RNF111: variants seen among roughly 807,000 people sequenced by gnomAD.
The protein encoded by RNF111 is E3 ubiquitin-protein ligase Arkadia.
RNF111 carries 17 observed loss-of-function variants against 95.1 expected under a neutral mutation model. The ratio of observed to expected loss-of-function variants is 0.18; its 90% CI spans 0.12 to 0.27. The LOEUF (loss-of-function observed/expected upper bound fraction) is 0.27. Ranked by LOEUF, RNF111 falls within the 10% of genes least tolerant of loss-of-function variation. RNF111 has a pLI of 1.00. For missense variants in RNF111, 1,189 were observed against 1,210.4 expected, an observed-to-expected ratio of 0.98 and a Z score of 0.26; for synonymous variants, 440 against 414.8, an observed-to-expected ratio of 1.06 and a Z score of -0.74.
At position 59,069,421 on chromosome 15, in the gene RNF111, T is replaced by G. The variant is rs1416726823; in HGVS notation, c.1686+2338T>G. Among the ~76,000 whole-genome samples, 5 of 152,194 alleles carry G rather than the reference T, an allele frequency of 3.3e-5. No individual in the cohort carries two copies. The East Asian group carries it at 7.7e-4, about 23-fold the overall frequency. Reference sequence around the variant, plus strand: ...ACATTCATTAAAGAGCTGCCAAAAGTCTCATTTACAGAATATTTTGTTATT... The same window carrying G: ...ACATTCATTAAAGAGCTGCCAAAAGGCTCATTTACAGAATATTTTGTTATT... On this transcript the variant is annotated intron_variant, in intron 6 of 13. Transcript: ENST00000348370.
At chr15:59,056,534 T>G (rs2042207111) in intron 4 of RNF111, among the ~76,000 whole-genome samples, 1 of 152,176 alleles carries the variant, frequency 6.6e-6, no homozygotes, top group Non-Finnish European at 1.5e-5. Context: ...ATGAGTTTGT[T>G]AGGTTTGGGA....
intron 1 of RNF111, 71 bp downstream of exon 1, chr15:58,988,139 G>A (rs1056541330): frequency 2.6e-5 from 4 of 152,522 alleles, no homozygotes; most frequent in African/African-American, 9.7e-5. Context: ...GGGCCGGCCT[G>A]GAGGGGAGAA....
At chr15:59,076,922 T>G (rs1430298152) in intron 7 of RNF111, among the ~76,000 whole-genome samples, 1 of 152,238 alleles carries the variant, frequency 6.6e-6, no homozygotes, top group Non-Finnish European at 1.5e-5. Flanking sequence ...TTGTTTTGAT[T>G]ACATGGCAAG....
intron 1 of RNF111, among the ~76,000 whole-genome samples, chr15:59,008,854 A>C (rs1024588125): frequency 2.0e-5 from 3 of 152,186 alleles, no homozygotes; most frequent in Non-Finnish European, 2.9e-5. Flanking sequence ...GTCTTTCTTC[A>C]AGGAATAATA....
chr15:59,084,321 C>T (rs2078834557), intron 9 of RNF111, 67 bp downstream of exon 9: 3 of 1,385,460 alleles, frequency 2.2e-6, no homozygotes, highest in Admixed American at 4.9e-5. Flanking sequence ...GAAGAGATGC[C>T]TTGTGATTGA....
chr15:59,073,928 G>T (rs760614378), intron 6 of RNF111, among the ~76,000 whole-genome samples: 4 of 152,212 alleles, frequency 2.6e-5, no homozygotes, highest in Non-Finnish European at 4.4e-5. Flanking sequence ...TGTTAGGTAT[G>T]AAAACATTAA....
chr15:59,028,789 T>TG (rs2040752853), intron 1 of RNF111, among the ~76,000 whole-genome samples: 1 of 151,502 alleles, frequency 6.6e-6, no homozygotes, highest in Non-Finnish European at 1.5e-5. Flanking sequence ...TAATTTTTTT[T>TG]TTTTTCTTGA....
intron 3 of RNF111, among the ~76,000 whole-genome samples, chr15:59,055,304 A>C (rs1214065684): frequency 6.6e-6 from 1 of 152,242 alleles, no homozygotes; most frequent in African/African-American, 2.4e-5. Context: ...TAAACATACA[A>C]GACCTTGTGG....
intron 2 of RNF111, among the ~76,000 whole-genome samples, chr15:59,043,134 CATTT>C (rs2041545589): frequency 6.6e-6 from 1 of 151,344 alleles, no homozygotes; most frequent in Admixed American, 6.6e-5. Context: ...AAAATTCATT[CATTT>C]AAAGTGTACA....
chr15:59,031,041 G>C lies in RNF111; in HGVS notation c.219G>C (p.Lys73Asn). The change falls in exon 2 of 14, where the codon AAG (lysine) becomes AAC (asparagine). Residue 73 changes from lysine (K) to asparagine (N), a missense_variant. Transcript: ENST00000348370. ...CTCACCTGTGTGATGATTCTCAAAA[G>C]CAAGAGAAGGAAATGAATGGTAACC... is the stretch of plus-strand genomic sequence containing the variant. ...EFSHLCDDSQ[K>N]QEKEMNGNQQ... 1 of 1,614,242 alleles carries C rather than the reference G, an allele frequency of 6.2e-7. No individual in the cohort carries two copies. Among genetic ancestry groups the C allele is most frequent in the Non-Finnish European group, 8.5e-7 (1 of 1,180,042 alleles).
At chr15:58,999,440 A>G (rs565157563) in intron 1 of RNF111, among the ~76,000 whole-genome samples, 30 of 152,144 alleles carry the variant, frequency 2.0e-4, no homozygotes, top group South Asian at 6.2e-4. Flanking sequence ...GGTTCAAGCA[A>G]TTCTGCTGCC....
At chr15:58,999,845 C>G (rs529905739) in intron 1 of RNF111, among the ~76,000 whole-genome samples, 30 of 152,092 alleles carry the variant, frequency 2.0e-4, no homozygotes, top group Non-Finnish European at 4.3e-4. Flanking sequence ...AGCTTTTACT[C>G]ATGGTAGAGG....
chr15:59,086,207 C>T (rs1271577476), intron 10 of RNF111, among the ~76,000 whole-genome samples: 2 of 152,074 alleles, frequency 1.3e-5, no homozygotes, highest in Non-Finnish European at 2.9e-5. Flanking sequence ...GCAACCTCCA[C>T]CTCCTGGGTT....
chr15:59,085,525 G>C, intron 9 of RNF111, 134 bp from the exon 10 acceptor site: 1 of 707,452 alleles, frequency 1.4e-6, no homozygotes, highest in Non-Finnish European at 2.0e-6. Context: ...AATATTTTGG[G>C]CTAAATTATC....
chr15:59,040,456 A>G (rs1446881420), intron 2 of RNF111, among the ~76,000 whole-genome samples: 1 of 152,194 alleles, frequency 6.6e-6, no homozygotes, highest in African/African-American at 2.4e-5. Context: ...TTTAACAGAC[A>G]AAGCTAGAAA....
At chr15:59,036,226 C>G (rs2041170615) in intron 2 of RNF111, among the ~76,000 whole-genome samples, 1 of 151,968 alleles carries the variant, frequency 6.6e-6, no homozygotes, top group African/African-American at 2.4e-5. Flanking sequence ...CCCAGCTAAT[C>G]TTTATATTTT....
At chr15:58,997,516 TAAAAA>T (rs11337128) in intron 1 of RNF111, among the ~76,000 whole-genome samples, 1 of 142,334 alleles carries the variant, frequency 7.0e-6, no homozygotes, top group East Asian at 2.0e-4. Context: ...CATTTGCAGT[TAAAAA>T]AAAAAAAAAA....
intron 1 of RNF111, among the ~76,000 whole-genome samples, chr15:59,018,271 A>G (rs1026841103): frequency 1.3e-5 from 2 of 152,202 alleles, no homozygotes; most frequent in Non-Finnish European, 1.5e-5. Context: ...TGACAATTCC[A>G]TTCAAATCTG....
intron 1 of RNF111, among the ~76,000 whole-genome samples, chr15:59,006,242 G>A (rs1171271796): frequency 1.3e-5 from 2 of 152,166 alleles, no homozygotes; most frequent in South Asian, 2.1e-4. Flanking sequence ...TGAGGCACAC[G>A]TTTTATGTAT....
Sources: allele counts gnomAD v4.1 joint callset (sites outside exome capture counted in the v4.1 genomes callset), GRCh38; gene constraint gnomAD v4.1.1; transcripts MANE v1.5; gene names NCBI Gene and HGNC (gene_info 2026-07-23, HGNC 2026-07-21).